The following SMG6 variants were observed in gnomAD, a reference collection of about 807,000 sequenced individuals.
The protein encoded by SMG6 is SMG6 nonsense mediated mRNA decay factor.
In SMG6, 66 loss-of-function variants were observed where a neutral mutation model predicts 142.2. The ratio of observed to expected loss-of-function variants is 0.46; its 90% CI spans 0.38 to 0.57. The LOEUF (loss-of-function observed/expected upper bound fraction) is 0.57. Ranked by LOEUF, SMG6 falls within the 20% of genes least tolerant of loss-of-function variation. The pLI is 0.00. For synonymous variants in SMG6, 779 were observed against 702.4 expected, an observed-to-expected ratio of 1.11 and a Z score of -1.72; for missense variants, 1,793 against 1,832.0, an observed-to-expected ratio of 0.98 and a Z score of 0.39.
intron 12 of SMG6, among the ~76,000 whole-genome samples, chr17:2,184,485 T>C (rs1407468766): frequency 7.2e-6 from 1 of 139,222 alleles, no homozygotes; most frequent in African/African-American, 2.7e-5. Flanking sequence ...TAGTGAAACC[T>C]CATCTCTACT....
chr17:2,228,705 A>G (rs2073386502), intron 10 of SMG6, among the ~76,000 whole-genome samples: 1 of 152,212 alleles, frequency 6.6e-6, no homozygotes, highest in Non-Finnish European at 1.5e-5. Context: ...ACACACATAC[A>G]TATATACATA....
rs192112736 is a variant in SMG6 at position 2,065,341 on chromosome 17, C to A, written c.4047+127G>T. 333 of 1,025,080 alleles carry A rather than the reference C, an allele frequency of 3.2e-4. 1 individual carries two copies. The African/African-American group carries it at 3.8e-3, about 12-fold the overall frequency. 63.5% of individuals were successfully genotyped at this position (1,025,080 alleles called of 1,614,324 possible). On this transcript the variant is annotated intron_variant, in intron 17 of 18. Coordinates refer to ENST00000263073, the MANE Select transcript of SMG6 (RefSeq NM_017575.5). Reference sequence around the variant, plus strand: ...TGACTTAGGGGAGAAGGAACTCCCCCACCTGGGCCTCCATGGTGGCTGGCC... The same window carrying A: ...TGACTTAGGGGAGAAGGAACTCCCCAACCTGGGCCTCCATGGTGGCTGGCC...
At chr17:2,237,596 G>C in intron 9 of SMG6, 2 of 982,888 alleles carry the variant, frequency 2.0e-6, no homozygotes, top group Non-Finnish European at 2.4e-6. Flanking sequence ...CAGGCCAGTG[G>C]AAATAGAATG....
intron 13 of SMG6, among the ~76,000 whole-genome samples, chr17:2,157,859 A>C (rs2071054728): frequency 1.3e-5 from 2 of 152,234 alleles, no homozygotes; most frequent in African/African-American, 4.8e-5. Context: ...GCTTAGAACC[A>C]GCTGGGTATT....
chr17:2,127,738 T>C lies in SMG6; in HGVS notation c.3358-41837A>G, dbSNP rs777275633. On this transcript the variant is annotated intron_variant, in intron 13 of 18. Transcript: ENST00000263073. ...CACTTCATCCATTACTTGTTTTAAC[T>C]GATGTAGTTTGAGTTTTATTTTCTC... 3.2e-5 allele frequency: 18 copies of C among 560,258 alleles called. 1 individual carries two copies. Among genetic ancestry groups the C allele is most frequent in the East Asian group, 1.9e-4 (4 of 21,192 alleles). The allele number at this position is 560,258 out of a possible 1,614,324, so 34.7% of individuals were successfully genotyped here. A position where few individuals can be genotyped will look rare whatever the true frequency, so the allele number is the denominator to read the frequency against.
chr17:2,250,787 G>C (rs910107615), intron 8 of SMG6, among the ~76,000 whole-genome samples: 1 of 152,112 alleles, frequency 6.6e-6, no homozygotes, highest in African/African-American at 2.4e-5. Context: ...ATGAGTACCT[G>C]TTAGTAAAAC....
At chr17:2,231,978 T>C (rs1321376414) in intron 10 of SMG6, among the ~76,000 whole-genome samples, 2 of 152,038 alleles carry the variant, frequency 1.3e-5, no homozygotes, top group Non-Finnish European at 2.9e-5. Flanking sequence ...CAGTGATTTA[T>C]AGGCGGTATA....
chr17:2,212,496 G>A (rs917080082), intron 10 of SMG6: 11 of 152,130 alleles, frequency 7.2e-5, no homozygotes, highest in Non-Finnish European at 1.6e-4. Flanking sequence ...CCACAGAGTT[G>A]GCTTTACGTT....
At chr17:2,076,363 G>A (rs1254545428) in intron 15 of SMG6, among the ~76,000 whole-genome samples, 1 of 152,086 alleles carries the variant, frequency 6.6e-6, no homozygotes, top group Non-Finnish European at 1.5e-5. Context: ...CAACAATAAT[G>A]GCCTCTCCAG....
chr17:2,236,661 A>C, intron 9 of SMG6, 24 bp from the exon 10 acceptor site: 1 of 1,598,190 alleles, frequency 6.3e-7, no homozygotes, highest in Non-Finnish European at 8.5e-7. Flanking sequence ...AAACCCATCA[A>C]TGAGGCACCT....
chr17:2,290,053 C>G (rs1183701517), intron 6 of SMG6, among the ~76,000 whole-genome samples: 1 of 151,372 alleles, frequency 6.6e-6, no homozygotes, highest in African/African-American at 2.4e-5. Context: ...TCATTAGTTG[C>G]TAGGAGAATC....
chr17:2,123,273 G>A (rs1038803073), intron 13 of SMG6, among the ~76,000 whole-genome samples: 2 of 152,194 alleles, frequency 1.3e-5, no homozygotes, highest in African/African-American at 4.8e-5. Context: ...GAGGGGAGGG[G>A]AGGAGTAGAC....
intron 10 of SMG6, among the ~76,000 whole-genome samples, chr17:2,219,063 A>G (rs2073099365): frequency 6.6e-6 from 1 of 152,346 alleles, no homozygotes; most frequent in African/African-American, 2.4e-5. Context: ...GAAGGCCTAC[A>G]TTGTGCCAAA....
chr17:2,137,944 A>G (rs2070357117), intron 13 of SMG6, among the ~76,000 whole-genome samples: 2 of 152,130 alleles, frequency 1.3e-5, no homozygotes, highest in Admixed American at 1.3e-4. Flanking sequence ...CAGCCCTCAT[A>G]AGACATGAGC....
chr17:2,093,568 A>C (rs1341439190), intron 13 of SMG6, among the ~76,000 whole-genome samples: 2 of 152,046 alleles, frequency 1.3e-5, no homozygotes, highest in African/African-American at 4.8e-5. Flanking sequence ...ACTGCCTAAC[A>C]TGGCTGAGCT....
At chr17:2,276,352 C>A (rs1437722303) in intron 8 of SMG6, among the ~76,000 whole-genome samples, 1 of 152,144 alleles carries the variant, frequency 6.6e-6, no homozygotes, top group Non-Finnish European at 1.5e-5. Flanking sequence ...ATGTTAGGAG[C>A]CAGGCCTATC....
Position 2,297,531 on chromosome 17 carries a change from A to AGC in SMG6, c.2041-180_2041-179dup, listed in dbSNP as rs534203502. Among the ~76,000 whole-genome samples the AGC allele has an allele frequency of 2.0e-5, 3 of 152,194 alleles. No individual in the cohort carries two copies. The South Asian group carries it at 6.2e-4, about 32-fold the overall frequency. ...GAGAACAAGGCAAATTCACAGTCAA[A>AGC]GCCTCCATGGTTTTAAAGATATGAA... On this transcript the variant is annotated intron_variant, in intron 3 of 18. Transcript: ENST00000263073.
At chr17:2,237,647 A>G (rs1169130221) in intron 9 of SMG6, 1 of 791,554 alleles carries the variant, frequency 1.3e-6, no homozygotes, top group Non-Finnish European at 1.5e-6. Context: ...AGAGGCTGTA[A>G]CGCAGGGAGG....
At chr17:2,209,274 G>A (rs2072777967) in intron 10 of SMG6, among the ~76,000 whole-genome samples, 2 of 152,152 alleles carry the variant, frequency 1.3e-5, no homozygotes, top group Admixed American at 1.3e-4. Flanking sequence ...GTGCAATGGT[G>A]CCATCTCAGC....
Sources: allele counts gnomAD v4.1 joint callset (sites outside exome capture counted in the v4.1 genomes callset), GRCh38; gene constraint gnomAD v4.1.1; transcripts MANE v1.5; gene names NCBI Gene and HGNC (gene_info 2026-07-23, HGNC 2026-07-21).